Variants in PDE4D observed in about 807,000 individuals in gnomAD.
The protein encoded by PDE4D is 3',5'-cyclic-AMP phosphodiesterase 4D.
PDE4D carries 24 observed loss-of-function variants against 87.4 expected under a neutral mutation model. That is an observed-to-expected ratio of 0.27 (90% confidence interval 0.20 to 0.39). PDE4D has a LOEUF of 0.39. Ranked by LOEUF, PDE4D falls within the 10% of genes least tolerant of loss-of-function variation. PDE4D has a pLI of 1.00. For synonymous variants in PDE4D, 384 were observed against 383.2 expected (o/e 1.00, Z -0.02); for missense variants, 714 against 1,041.0 (o/e 0.69, Z 4.32).
rs1561402852 is a variant in PDE4D, at chr5:59,649,904, C to CTTTTTTTTTTTTTTTTTTTTTTTTTTT, written c.455+243263_455+243264insAAAAAAAAAAAAAAAAAAAAAAAAAAA. On this transcript the variant is annotated intron_variant, in intron 1 of 14. Transcript: ENST00000340635. The stretch of plus-strand genomic sequence containing the variant: ...TGTTAAAATGTTGATAGTTTGTGAA[C>CTTTTTTTTTTTTTTTTTTTTTTTTTTT]CTTTTTTTTTTTTTTTTTTTTTTTT... 4.7e-3 allele frequency among the ~76,000 whole-genome samples: 344 copies of CTTTTTTTTTTTTTTTTTTTTTTTTTTT among 73,974 alleles called. 130 individuals are homozygous for CTTTTTTTTTTTTTTTTTTTTTTTTTTT. Among genetic ancestry groups the CTTTTTTTTTTTTTTTTTTTTTTTTTTT allele is most frequent in the East Asian group, 7.9e-3 (23 of 2,894 alleles). The allele number at this position is 73,974 out of a possible 152,430, so 48.5% of individuals were successfully genotyped here.
intron 3 of PDE4D, among the ~76,000 whole-genome samples, chr5:59,950,478 A>ATGTGGATAT (rs1384470514): frequency 6.6e-6 from 1 of 152,062 alleles, no homozygotes; most frequent in African/African-American, 2.4e-5. Flanking sequence ...TCCTGGAGGG[A>ATGTGGATAT]TGTGGATATC....
At chr5:59,548,729 G>GA (rs1449386647) in intron 1 of PDE4D, among the ~76,000 whole-genome samples, 13 of 151,878 alleles carry the variant, frequency 8.6e-5, no homozygotes, top group Admixed American at 7.2e-4. Flanking sequence ...GCAAAGGCCT[G>GA]AAAAAAAATG....
At chr5:59,873,790 G>A (rs1302368409) in intron 1 of PDE4D, among the ~76,000 whole-genome samples, 2 of 152,192 alleles carry the variant, frequency 1.3e-5, no homozygotes, top group African/African-American at 4.8e-5. Context: ...GAAAACTAGT[G>A]ACTTATGCCA....
At chr5:59,683,732 T>C (rs888564862) in intron 1 of PDE4D, among the ~76,000 whole-genome samples, 1 of 152,230 alleles carries the variant, frequency 6.6e-6, no homozygotes, top group African/African-American at 2.4e-5. Flanking sequence ...CAAAATGTGA[T>C]TTCTTCATTG....
intron 2 of PDE4D, among the ~76,000 whole-genome samples, chr5:59,991,891 G>A (rs759863776): frequency 4.6e-5 from 7 of 152,168 alleles, no homozygotes; most frequent in African/African-American, 7.2e-5. Flanking sequence ...AGGATACAAA[G>A]TATTGTTCCT....
rs952928798 is a variant in PDE4D at position 58,971,637 on chromosome 5, A to G, written c.*3027T>C. On this transcript the variant is annotated 3_prime_UTR_variant, in exon 15 of 15. Coordinates refer to ENST00000340635, the MANE Select transcript of PDE4D (RefSeq NM_001104631.2). ...TCTTTCCTTGTCTGTAATTTGTTCT[A>G]TCTACATTATTGTGAATTTTAACTG... 3.3e-5 allele frequency: 5 copies of G among 152,604 alleles called. No individual in the cohort carries two copies. The highest frequency in any genetic ancestry group is 1.3e-4 in the Admixed American group (2 of 15,276). 9.5% of individuals were successfully genotyped at this position (152,604 alleles called of 1,614,324 possible).
At chr5:59,003,585 G>A (rs1750968362) in intron 6 of PDE4D, among the ~76,000 whole-genome samples, 1 of 152,184 alleles carries the variant, frequency 6.6e-6, no homozygotes, top group African/African-American at 2.4e-5. Context: ...GCCTGAGAAA[G>A]AGAAACAAAG....
chr5:59,747,053 A>G (rs72751244), intron 1 of PDE4D, among the ~76,000 whole-genome samples: 26,502 of 152,106 alleles, frequency 0.17, 3,040 homozygotes, highest in South Asian at 0.25. Context: ...TTTTCCTCCC[A>G]CGGTCTCCCA....
At chr5:59,214,679 G>A (rs2153505555) in intron 2 of PDE4D, among the ~76,000 whole-genome samples, 1 of 152,300 alleles carries the variant, frequency 6.6e-6, no homozygotes, top group Admixed American at 6.5e-5. Context: ...CTAAGGAAGT[G>A]AGATAAAAAT....
rs796150355 is a variant in PDE4D, at chr5:59,764,445, C to T, written c.455+128723G>A. On this transcript the variant is annotated intron_variant, in intron 1 of 14. Coordinates refer to ENST00000340635, the MANE Select transcript of PDE4D (RefSeq NM_001104631.2). ...TAACTTGACCAAAGTCACACAATTA[C>T]TAAATGCAAAGTAAGAATTTAAGTT... Among the ~76,000 whole-genome samples the T allele has an allele frequency of 2.6e-5, 4 of 152,134 alleles. No individual in the cohort carries two copies. In the East Asian group the frequency reaches 5.8e-4, roughly 22 times the overall value.
intron 1 of PDE4D, among the ~76,000 whole-genome samples, chr5:60,256,399 A>C (rs1053364294): frequency 7.9e-5 from 12 of 152,006 alleles, no homozygotes; most frequent in Admixed American, 7.2e-4. Context: ...CAAACAAAAA[A>C]TATAATCACA....
chr5:60,512,345 G>A (rs149475853), intron 1 of PDE4D, among the ~76,000 whole-genome samples: 4 of 152,150 alleles, frequency 2.6e-5, no homozygotes, highest in African/African-American at 9.6e-5. Flanking sequence ...TCCTAGAATT[G>A]TTTTGATAGT....
chr5:59,757,916 T>C (rs1761482229), intron 1 of PDE4D, among the ~76,000 whole-genome samples: 1 of 152,218 alleles, frequency 6.6e-6, no homozygotes, highest in African/African-American at 2.4e-5. Flanking sequence ...TATAAGGATG[T>C]CAACTTCTAT....
intron 2 of PDE4D, among the ~76,000 whole-genome samples, chr5:60,081,946 G>A (rs2152904240): frequency 3.3e-5 from 5 of 152,186 alleles, no homozygotes; most frequent in Admixed American, 3.3e-4. Flanking sequence ...AATTCATCAG[G>A]ATCATAGGCA....
chr5:60,032,104 A>C (rs1767302583), intron 2 of PDE4D, among the ~76,000 whole-genome samples: 1 of 152,184 alleles, frequency 6.6e-6, no homozygotes, highest in African/African-American at 2.4e-5. Flanking sequence ...AGGGAAATAC[A>C]ATAAAATCTT....
At chr5:60,061,770 A>ACACCACACATCTAC (rs1771436379) in intron 2 of PDE4D, among the ~76,000 whole-genome samples, 1 of 150,418 alleles carries the variant, frequency 6.6e-6, no homozygotes, top group Non-Finnish European at 1.5e-5. Context: ...CTCAGATATA[A>ACACCACACATCTAC]GACCATCTGA....
rs1478767892 is a variant in PDE4D, at chr5:58,972,223, T to A, written c.*2441A>T. The stretch of plus-strand genomic sequence containing the variant: ...GACTCTTTACCTTTCTTTCTAGACT[T>A]CACTCAGGGACAAATAAAATTAAAA... On this transcript the variant is annotated 3_prime_UTR_variant, in exon 15 of 15. Coordinates refer to ENST00000340635, the MANE Select transcript of PDE4D (RefSeq NM_001104631.2). The A allele has an allele frequency of 6.6e-6, 1 of 152,594 alleles. No homozygotes were observed. The highest frequency in any genetic ancestry group is 2.4e-5 in the African/African-American group (1 of 41,442). The allele number at this position is 152,594 out of a possible 1,614,324, so 9.5% of individuals were successfully genotyped here. A position where few individuals can be genotyped will look rare whatever the true frequency, so the allele number is the denominator to read the frequency against.
At chr5:60,225,965 T>A (rs961770927) in intron 1 of PDE4D, among the ~76,000 whole-genome samples, 1 of 152,124 alleles carries the variant, frequency 6.6e-6, no homozygotes, top group African/African-American at 2.4e-5. Context: ...CATTAATTTT[T>A]GTTTTGAAAC....
chr5:60,297,308 C>T (rs1011442458), intron 1 of PDE4D, among the ~76,000 whole-genome samples: 1 of 152,014 alleles, frequency 6.6e-6, no homozygotes, highest in South Asian at 2.1e-4. Context: ...AGGCTGGTAA[C>T]AAGGAGCCTA....
Sources: allele counts gnomAD v4.1 joint callset (sites outside exome capture counted in the v4.1 genomes callset), GRCh38; gene constraint gnomAD v4.1.1; transcripts MANE v1.5; gene names NCBI Gene and HGNC (gene_info 2026-07-23, HGNC 2026-07-21).